Variants in WDR19 observed in about 807,000 individuals in gnomAD.
WDR19 encodes WD repeat-containing protein 19.
A neutral mutation model predicts 180.0 loss-of-function variants in WDR19; 121 were observed. The observed-to-expected ratio is 0.67, with a 90% confidence interval of 0.58 to 0.78. WDR19 has a LOEUF of 0.78. Among genes scored for constraint, WDR19 ranks in the 30% least tolerant of loss-of-function variants. The pLI is 0.00. For missense variants in WDR19, 1,450 were observed against 1,640.7 expected (o/e 0.88, Z 2.01); for synonymous variants, 497 against 540.7 (o/e 0.92, Z 1.12).
At chr4:39,217,877 G>A (rs1729232915) in intron 13 of WDR19, 106 bp from the exon 14 acceptor site, 2 of 1,410,752 alleles carry the variant, frequency 1.4e-6, no homozygotes, top group African/African-American at 2.9e-5. Context: ...TCGTAGTCTT[G>A]GGAGCCTGAA....
chr4:39,197,092 AG>A (rs1726820731), intron 5 of WDR19, among the ~76,000 whole-genome samples: 1 of 152,176 alleles, frequency 6.6e-6, no homozygotes, highest in South Asian at 2.1e-4. Context: ...ACCCTATGAG[AG>A]GTCCTACTAT....
intron 20 of WDR19, among the ~76,000 whole-genome samples, chr4:39,239,188 G>C (rs759860589): frequency 3.3e-5 from 5 of 152,110 alleles, no homozygotes; most frequent in African/African-American, 4.8e-5. Context: ...ATGTTGGTCA[G>C]GCTGGTCTTG....
chr4:39,276,944 CAA>C, intron 33 of WDR19, 74 bp from the exon 34 acceptor site: 1 of 1,583,566 alleles, frequency 6.3e-7, no homozygotes, highest in Non-Finnish European at 8.6e-7. Context: ...CCTGGTTTTC[CAA>C]ATATGCTTTC....
intron 9 of WDR19, among the ~76,000 whole-genome samples, chr4:39,209,870 GAAT>G (rs1728317958): frequency 6.6e-6 from 1 of 152,150 alleles, no homozygotes; most frequent in South Asian, 2.1e-4. Context: ...GCCATTATGA[GAAT>G]AATAAAGGAA....
At chr4:39,241,784 A>C (rs1387175447) in intron 21 of WDR19, among the ~76,000 whole-genome samples, 3 of 142,916 alleles carry the variant, frequency 2.1e-5, no homozygotes, top group Admixed American at 6.9e-5. Flanking sequence ...GACAAGAGGG[A>C]AACTCTGTCT....
chr4:39,212,587 T>C (rs1728665531), intron 9 of WDR19, among the ~76,000 whole-genome samples: 1 of 152,110 alleles, frequency 6.6e-6, no homozygotes. Context: ...AGGTCAGGAG[T>C]TTGAGACCAA....
At chr4:39,218,344 C>T (rs1729297085) in intron 14 of WDR19, 1 of 552,090 alleles carries the variant, frequency 1.8e-6, no homozygotes, top group South Asian at 2.4e-5. Flanking sequence ...CTTACAGGAA[C>T]CTAGATGGTA....
chr4:39,186,432 T>G (rs899547351), intron 2 of WDR19, 107 bp from the exon 3 acceptor site: 6 of 725,256 alleles, frequency 8.3e-6, no homozygotes, highest in Non-Finnish European at 1.2e-5. Flanking sequence ...TGAGCCAAGA[T>G]CACACCACTG....
chr4:39,285,051 CCCCAT>C (rs1737033059), intron 36 of WDR19, among the ~76,000 whole-genome samples: 1 of 105,932 alleles, frequency 9.4e-6, no homozygotes, highest in Non-Finnish European at 1.8e-5. Flanking sequence ...TGTAACAAGA[CCCCAT>C]CATCTCCTAG....
chr4:39,230,812 T>C (rs77895805), intron 17 of WDR19, among the ~76,000 whole-genome samples: 2 of 152,176 alleles, frequency 1.3e-5, no homozygotes, highest in Admixed American at 1.3e-4. Context: ...AATGAATAGA[T>C]AGATGGATGT....
rs1477742531 is a variant in WDR19 at position 39,203,850 on chromosome 4, G to A, written c.603+128G>A. The A allele has an allele frequency of 5.6e-6, 5 of 887,022 alleles. No homozygotes were observed. In the Admixed American group the frequency reaches 1.0e-4, roughly 18 times the overall value. The allele number at this position is 887,022 out of a possible 1,614,324, so 54.9% of individuals were successfully genotyped here. ...TCCATTGACTGTATTTTAAGCCAAG[G>A]TAGAGCTAGGTCTTTTAGTCCCTAA... On this transcript the variant is annotated intron_variant, in intron 7 of 36. Transcript: ENST00000399820.
At chr4:39,243,828 A>G (rs982996801) in intron 21 of WDR19, among the ~76,000 whole-genome samples, 8 of 151,048 alleles carry the variant, frequency 5.3e-5, no homozygotes, top group Non-Finnish European at 8.9e-5. Flanking sequence ...GGTACCTTTA[A>G]TGAATTTAAC....
At chr4:39,216,047 T>A in intron 11 of WDR19, 34 bp downstream of exon 11, 1 of 1,534,874 alleles carries the variant, frequency 6.5e-7, no homozygotes, top group Non-Finnish European at 8.8e-7. Flanking sequence ...TTTTATTTAT[T>A]AATAAAATAA....
intron 26 of WDR19, among the ~76,000 whole-genome samples, chr4:39,255,367 T>C (rs951134339): frequency 6.6e-6 from 1 of 152,174 alleles, no homozygotes; most frequent in African/African-American, 2.4e-5. Flanking sequence ...TAGTATTCTA[T>C]TGGGCCCCAA....
At chr4:39,185,475 C>CA (rs894243397) in intron 1 of WDR19, among the ~76,000 whole-genome samples, 6 of 151,572 alleles carry the variant, frequency 4.0e-5, no homozygotes, top group Non-Finnish European at 5.9e-5. Context: ...ATTAAAAAGC[C>CA]AAAAAAAATT....
chr4:39,264,195 C>T (rs1251848167), intron 28 of WDR19, among the ~76,000 whole-genome samples: 1 of 152,088 alleles, frequency 6.6e-6, no homozygotes, highest in Admixed American at 6.6e-5. Context: ...AGTAATCTGC[C>T]CACGATCACA....
intron 5 of WDR19, among the ~76,000 whole-genome samples, chr4:39,197,014 C>T (rs1163602482): frequency 6.6e-6 from 1 of 152,170 alleles, no homozygotes; most frequent in Non-Finnish European, 1.5e-5. Flanking sequence ...GCTAAAATAG[C>T]TGACACTGTG....
At chr4:39,261,057 G>T (rs149115075) in intron 28 of WDR19, among the ~76,000 whole-genome samples, 2 of 151,608 alleles carry the variant, frequency 1.3e-5, no homozygotes, top group South Asian at 4.2e-4. Flanking sequence ...GCAGTGGCAC[G>T]ATCTTGGCTC....
intron 15 of WDR19, among the ~76,000 whole-genome samples, chr4:39,226,927 T>C (rs1240075222): frequency 1.3e-5 from 2 of 152,206 alleles, no homozygotes; most frequent in Non-Finnish European, 2.9e-5. Context: ...CCATTAACAG[T>C]GTAAAAGCGT....
Sources: gnomAD v4.1 joint callset for allele counts (sites outside exome capture counted in the v4.1 genomes callset) on GRCh38, gnomAD v4.1.1 for gene constraint, MANE v1.5 for transcripts, NCBI Gene and HGNC (gene_info 2026-07-23, HGNC 2026-07-21) for gene names.